Variants in C16orf92 observed in about 807,000 individuals in gnomAD.
C16orf92 encodes the protein fertilization-influencing membrane protein 1, also known as fertilization-influencing membrane protein.
Under a neutral mutation model 13.7 loss-of-function variants are expected in C16orf92, and 14 were observed. The observed-to-expected ratio is 1.02, with a 90% CI of 0.67 to 1.60. C16orf92 has a LOEUF of 1.60. Ranked by LOEUF, C16orf92 falls within the 40% of genes most tolerant of loss-of-function variation. The pLI is 0.00. For missense variants in C16orf92, 116 were observed against 139.0 expected (o/e 0.83, Z 0.83); for synonymous variants, 50 against 57.4 (o/e 0.87, Z 0.58).
At chr16:30,023,646 G>A in intron 1 of C16orf92, 81 bp from the exon 2 acceptor site, 6 of 1,611,972 alleles carry the variant, frequency 3.7e-6, no homozygotes, top group Non-Finnish European at 5.1e-6. Context: ...TGGTCTCACA[G>A]GGTCCCAAGT....
At chr16:30,025,622 G>T (rs542473095), downstream of C16orf92, 57 of 1,471,368 alleles carry the variant, frequency 3.9e-5, no homozygotes, top group Non-Finnish European at 5.1e-5. This position sits in a 1 kb window ranked among gnomAD's most constrained non-coding sequence, Gnocchi z 4.1. Context: ...ACGGGGTGAG[G>T]GGGGGATGAC....
In C16orf92 at chr16:30,024,538, G is replaced by T; in HGVS notation, c.*311G>T. 2.3e-6 allele frequency: 1 copy of T among 438,472 alleles called. No individual in the cohort carries two copies. Among genetic ancestry groups the T allele is most frequent in the Non-Finnish European group, 4.1e-6 (1 of 245,074 alleles). The allele number at this position is 438,472 out of a possible 1,614,324, so 27.2% of individuals were successfully genotyped here. A position where few individuals can be genotyped will look rare whatever the true frequency, so the allele number is the denominator to read the frequency against. On this transcript the variant is annotated 3_prime_UTR_variant, in exon 4 of 4. Transcript: ENST00000681219. ...GGTCAGTAGCACCAGGGACATGGCA[G>T]GGCCCGAGGGCGCGATGTGCAGCCG... is the stretch of plus-strand genomic sequence containing the variant.
chr16:30,027,070 G>A, downstream of C16orf92: 1 of 657,946 alleles, frequency 1.5e-6, no homozygotes, highest in South Asian at 1.5e-5. Flanking sequence ...ACTCACCCAT[G>A]TTCCTCTCTC....
downstream of C16orf92, chr16:30,026,863 G>T (rs760338956): frequency 6.2e-7 from 1 of 1,606,588 alleles, no homozygotes; most frequent in Non-Finnish European, 8.5e-7. Flanking sequence ...AGAGAGACGG[G>T]GTGGGGGAGC....
At chr16:30,026,594 CT>C, downstream of C16orf92, 1 of 1,606,272 alleles carries the variant, frequency 6.2e-7, no homozygotes, top group Non-Finnish European at 8.5e-7. Flanking sequence ...GCCCGCCCAG[CT>C]CCCCGGGACT....
chr16:30,023,454 T>A (rs1251913917), intron 1 of C16orf92, 50 bp downstream of exon 1: 1 of 1,566,400 alleles, frequency 6.4e-7, no homozygotes, highest in African/African-American at 1.4e-5. Context: ...TCTGGGAGCA[T>A]AAAGTGTGAT....
chr16:30,025,061 T>G, downstream of C16orf92: 1 of 638,268 alleles, frequency 1.6e-6, no homozygotes, highest in Non-Finnish European at 2.5e-6. The surrounding 1 kb of genome is among the most constrained non-coding windows in gnomAD (Gnocchi z 4.1). Context: ...CCTTTCGGGG[T>G]CATCGTCAGT....
At chr16:30,023,917 C>A (rs765160843) in intron 2 of C16orf92, 32 bp downstream of exon 2, 42 of 1,596,984 alleles carry the variant, frequency 2.6e-5, no homozygotes, top group Non-Finnish European at 3.3e-5. Flanking sequence ...GACCTCCCTC[C>A]CCGCCAGGGT....
Position 30,024,675 on chromosome 16 carries a change from TAAATAAATA to T in C16orf92, c.*459_*467del. 1 of 191,866 alleles carries T rather than the reference TAAATAAATA, an allele frequency of 5.2e-6. No homozygotes were observed. Among genetic ancestry groups the T allele is most frequent in the Middle Eastern group, 2.1e-3 (1 of 472 alleles). 11.9% of individuals were successfully genotyped at this position (191,866 alleles called of 1,614,324 possible). ...CCCAACAGACTAGTTCAAATTTGGG[TAAATAAATA>T]AAATAAATAAGATTCCTCAAGCTGG... is the stretch of plus-strand genomic sequence containing the variant. On this transcript the variant is annotated 3_prime_UTR_variant, in exon 4 of 4. Transcript: ENST00000681219.
chr16:30,023,937 A>G, intron 2 of C16orf92, 52 bp downstream of exon 2: 1 of 1,590,046 alleles, frequency 6.3e-7, no homozygotes, highest in Non-Finnish European at 8.6e-7. Context: ...TCTGGAGGAG[A>G]GCAGCCCCAG....
At chr16:30,025,522 G>A (rs2071084453), downstream of C16orf92, 4 of 1,600,178 alleles carry the variant, frequency 2.5e-6, no homozygotes, top group Non-Finnish European at 3.4e-6. The surrounding 1 kb of genome is among the most constrained non-coding windows in gnomAD (Gnocchi z 4.1). Flanking sequence ...GCCCCCCTTG[G>A]CCCTCTCCCT....
downstream of C16orf92, chr16:30,025,810 CT>C (rs761337661): frequency 6.2e-7 from 1 of 1,613,872 alleles, no homozygotes; most frequent in South Asian, 1.1e-5. This position sits in a 1 kb window ranked among gnomAD's most constrained non-coding sequence, Gnocchi z 4.1. Context: ...CTCCCTTACC[CT>C]GTCGCCACAC....
chr16:30,024,286 T>C lies in C16orf92; in HGVS notation c.*59T>C. ...CACCCACACCCACCTCCTCTCCTGT[T>C]GATGAGCAAAAGTTCCCTGCTTTCC... is the stretch of plus-strand genomic sequence containing the variant. On this transcript the variant is annotated 3_prime_UTR_variant, in exon 4 of 4. Transcript: ENST00000681219. 6.3e-7 allele frequency: 1 copy of C among 1,579,924 alleles called. No individual in the cohort carries two copies. The highest frequency in any genetic ancestry group is 8.7e-7 in the Non-Finnish European group (1 of 1,151,776).
downstream of C16orf92, chr16:30,026,954 G>T (rs1053347423): frequency 4.5e-6 from 4 of 880,524 alleles, no homozygotes; most frequent in African/African-American, 5.0e-5. Flanking sequence ...GGAGTCTTGG[G>T]TACAGATGAG....
downstream of C16orf92, chr16:30,026,885 G>A: frequency 6.5e-7 from 1 of 1,546,626 alleles, no homozygotes; most frequent in South Asian, 1.1e-5. Context: ...AGGAGGAAAG[G>A]GGACACCAGT....
chr16:30,023,955 A>G (rs2070967335), intron 2 of C16orf92, 44 bp from the exon 3 acceptor site: 3 of 1,593,100 alleles, frequency 1.9e-6, no homozygotes, highest in South Asian at 1.1e-5. Flanking sequence ...CAGACCCTTC[A>G]TTGGGCCATC....
downstream of C16orf92, chr16:30,026,875 A>G: frequency 2.5e-6 from 4 of 1,581,428 alleles, no homozygotes; most frequent in Non-Finnish European, 2.6e-6. Context: ...TGGGGGAGCA[A>G]GGAGGAAAGG....
downstream of C16orf92, chr16:30,025,918 G>T: frequency 1.1e-6 from 1 of 929,576 alleles, no homozygotes; most frequent in Non-Finnish European, 1.7e-6. This position sits in a 1 kb window ranked among gnomAD's most constrained non-coding sequence, Gnocchi z 4.1. Context: ...TTTGGGAGAT[G>T]CTTGACTCTG....
intron 2 of C16orf92, 23 bp downstream of exon 2, chr16:30,023,908 A>T: frequency 1.3e-6 from 2 of 1,599,774 alleles, no homozygotes; most frequent in African/African-American, 1.3e-5. Context: ...TTGAGAAGGG[A>T]CCTCCCTCCC....
Sources: gnomAD v4.1 joint callset for allele counts on GRCh38, gnomAD v4.1.1 for gene constraint, Gnocchi (gnomAD v3.1) non-coding constraint, MANE v1.5 for transcripts, NCBI Gene and HGNC (gene_info 2026-07-23, HGNC 2026-07-21) for gene names.